Variants in FAM241A observed in about 807,000 individuals in gnomAD.
FAM241A encodes uncharacterized protein FAM241A.
FAM241A carries 7 observed loss-of-function variants against 12.2 expected under a neutral mutation model. That is an observed-to-expected ratio of 0.58 (90% CI 0.33 to 1.08). FAM241A has a LOEUF of 1.08. FAM241A is among the 50% of genes least tolerant of loss of function. The pLI, the probability that FAM241A is intolerant of heterozygous loss-of-function variation, is 0.04. For missense variants in FAM241A, 161 were observed against 169.7 expected (o/e 0.95, Z 0.29); for synonymous variants, 74 against 68.2 (o/e 1.08, Z -0.42).
chr4:112,179,034 T>G (rs562468169), intron 1 of FAM241A, among the ~76,000 whole-genome samples: 8 of 152,300 alleles, frequency 5.3e-5, no homozygotes, highest in Non-Finnish European at 1.0e-4. Flanking sequence ...GAATATAAAT[T>G]AGTTCAGCCA....
chr4:112,166,537 T>C (rs867892236), intron 1 of FAM241A, among the ~76,000 whole-genome samples: 65 of 152,126 alleles, frequency 4.3e-4, no homozygotes, highest in African/African-American at 1.4e-3. Flanking sequence ...CAGCAAAGCA[T>C]GTTTTCTGAA....
chr4:112,177,334 C>T (rs935323164), intron 1 of FAM241A, among the ~76,000 whole-genome samples: 12 of 152,078 alleles, frequency 7.9e-5, no homozygotes, highest in Non-Finnish European at 1.8e-4. Flanking sequence ...AGGTGGAATA[C>T]ATAAAATGTC....
rs781556858 is a variant in FAM241A, at chr4:112,191,487, G to A, written c.*4549G>A. ...TAATATGTTTTACAAGGCTCTTCAT[G>A]TACTGGTTCTTGCGTACCTCATCTC... On this transcript the variant is annotated 3_prime_UTR_variant, in exon 2 of 2. Transcript: ENST00000309733. 3.9e-5 allele frequency: 6 copies of A among 152,164 alleles called. No homozygotes were observed. Among genetic ancestry groups the A allele is most frequent in the African/African-American group, 4.8e-5 (2 of 41,432 alleles). 9.4% of individuals were successfully genotyped at this position (152,164 alleles called of 1,614,324 possible).
chr4:112,179,490 T>C (rs555076591), intron 1 of FAM241A, among the ~76,000 whole-genome samples: 31 of 151,516 alleles, frequency 2.0e-4, no homozygotes, highest in Admixed American at 1.6e-3. Flanking sequence ...TTCTCACTCA[T>C]AGGTGGGAAT....
At position 112,187,196 on chromosome 4, in the gene FAM241A, C is replaced by G. The variant is rs755878604; in HGVS notation, c.*258C>G. 4.1e-4 allele frequency: 148 copies of G among 358,882 alleles called. No individual in the cohort carries two copies. Among genetic ancestry groups the G allele is most frequent in the Non-Finnish European group, 6.5e-4 (130 of 200,462 alleles). 22.2% of individuals were successfully genotyped at this position (358,882 alleles called of 1,614,324 possible). A position where few individuals can be genotyped will look rare whatever the true frequency, so the allele number is the denominator to read the frequency against. On this transcript the variant is annotated 3_prime_UTR_variant, in exon 2 of 2. Transcript: ENST00000309733. ...TGTGATCTCTGTCTCCTTTATACAC[C>G]TCTATCCCCATGCCAAATCTTAAGT...
chr4:112,175,979 G>A (rs890940473), intron 1 of FAM241A, among the ~76,000 whole-genome samples: 2 of 152,126 alleles, frequency 1.3e-5, no homozygotes, highest in East Asian at 1.9e-4. Context: ...ACAACAACAT[G>A]TAATACTGGA....
intron 1 of FAM241A, among the ~76,000 whole-genome samples, chr4:112,184,542 A>T (rs529531862): frequency 6.6e-6 from 1 of 152,200 alleles, no homozygotes; most frequent in African/African-American, 2.4e-5. Context: ...AAAAAATTAT[A>T]TAAAAGTATA....
intron 1 of FAM241A, among the ~76,000 whole-genome samples, chr4:112,165,159 A>G (rs765293364): frequency 6.6e-6 from 1 of 152,202 alleles, no homozygotes; most frequent in Non-Finnish European, 1.5e-5. Context: ...AAGATGCTCA[A>G]CATCACTGAG....
At chr4:112,153,438 T>C (rs1001516981) in intron 1 of FAM241A, among the ~76,000 whole-genome samples, 1 of 152,346 alleles carries the variant, frequency 6.6e-6, no homozygotes, top group African/African-American at 2.4e-5. Context: ...TTCTGTCTTT[T>C]CTGGAGTCAT....
intron 1 of FAM241A, among the ~76,000 whole-genome samples, chr4:112,176,172 T>G (rs1723816450): frequency 6.6e-6 from 1 of 152,186 alleles, no homozygotes; most frequent in African/African-American, 2.4e-5. Context: ...TTCTATATAA[T>G]TAAATTGTCG....
chr4:112,171,544 TTTTA>T (rs1467541235), intron 1 of FAM241A: 1 of 752,480 alleles, frequency 1.3e-6, no homozygotes, highest in African/African-American at 1.7e-5. Context: ...TCATCTTTTG[TTTTA>T]TTATGAAGAC....
chr4:112,161,082 G>A (rs574748950), intron 1 of FAM241A, among the ~76,000 whole-genome samples: 3 of 152,086 alleles, frequency 2.0e-5, no homozygotes, highest in African/African-American at 7.2e-5. Context: ...TTAAAAAGCT[G>A]CACAGAAATA....
rs150440079 is a variant in FAM241A at position 112,174,331 on chromosome 4, G to T, written c.154-12362G>T. On this transcript the variant is annotated intron_variant, in intron 1 of 1. Transcript: ENST00000309733. ...GCAGGGTGTCACCCCAGGGAATGGT[G>T]CAATGGTGCAGGAGCCCTGCCCAGG... 8.8e-3 allele frequency among the ~76,000 whole-genome samples: 1,341 copies of T among 152,308 alleles called. 26 individuals carry two copies. The highest frequency in any genetic ancestry group is 0.075 in the South Asian group (361 of 4,826).
Position 112,190,492 on chromosome 4 carries a change from C to A in FAM241A, c.*3554C>A, listed in dbSNP as rs1724142999. The A allele has an allele frequency of 6.7e-6, 1 of 149,016 alleles. No homozygotes were observed. The highest frequency in any genetic ancestry group is 2.5e-5 in the African/African-American group (1 of 40,320). 9.2% of individuals were successfully genotyped at this position (149,016 alleles called of 1,614,324 possible). A position where few individuals can be genotyped will look rare whatever the true frequency, so the allele number is the denominator to read the frequency against. On this transcript the variant is annotated 3_prime_UTR_variant, in exon 2 of 2. Coordinates refer to ENST00000309733, the MANE Select transcript of FAM241A (RefSeq NM_152400.3). ...CCTGAGGTCGGGAGTTCGAGACTAG[C>A]CTGACCAACATGGAGAAACCCCGTC...
At chr4:112,178,942 C>T (rs1300424287) in intron 1 of FAM241A, among the ~76,000 whole-genome samples, 3 of 152,084 alleles carry the variant, frequency 2.0e-5, no homozygotes, top group African/African-American at 7.2e-5. Flanking sequence ...TCATACTAGA[C>T]AGAATGGCTG....
At chr4:112,171,665 C>T (rs901041052) in intron 1 of FAM241A, 1 of 457,046 alleles carries the variant, frequency 2.2e-6, no homozygotes, top group Non-Finnish European at 4.0e-6. Context: ...CGAGACTATC[C>T]TGGCTAACAC....
At chr4:112,185,097 A>G (rs969354494) in intron 1 of FAM241A, among the ~76,000 whole-genome samples, 7 of 152,140 alleles carry the variant, frequency 4.6e-5, no homozygotes, top group African/African-American at 1.2e-4. Flanking sequence ...TTTTAAACGT[A>G]TAATAAATTC....
chr4:112,194,582 C>G lies in FAM241A; in HGVS notation c.*7644C>G, dbSNP rs867758152. ...AAGCGTTGTTGAATTTTGTCAAAGG[C>G]CTTTTCTGCATCTATTGAGATAATC... On this transcript the variant is annotated 3_prime_UTR_variant, in exon 2 of 2. Coordinates refer to ENST00000309733, the MANE Select transcript of FAM241A (RefSeq NM_152400.3). 2.0e-5 allele frequency: 3 copies of G among 151,934 alleles called. No homozygotes were observed. The highest frequency in any genetic ancestry group is 6.6e-5 in the Admixed American group (1 of 15,248). 9.4% of individuals were successfully genotyped at this position (151,934 alleles called of 1,614,324 possible).
intron 1 of FAM241A, among the ~76,000 whole-genome samples, chr4:112,185,649 C>T (rs879825031): frequency 3.9e-5 from 6 of 152,166 alleles, no homozygotes; most frequent in Admixed American, 3.3e-4. Context: ...CACTGCTTGC[C>T]TGGTACTGAT....
Sources: allele counts gnomAD v4.1 joint callset (sites outside exome capture counted in the v4.1 genomes callset), GRCh38; gene constraint gnomAD v4.1.1; transcripts MANE v1.5; gene names NCBI Gene and HGNC (gene_info 2026-07-23, HGNC 2026-07-21).